Variants in IFT74 observed in about 807,000 individuals in gnomAD.
The protein encoded by IFT74 is intraflagellar transport 74.
IFT74 carries 92 observed loss-of-function variants against 96.7 expected under a neutral mutation model. That is an observed-to-expected ratio of 0.95 (90% CI 0.80 to 1.13). The LOEUF is 1.13. IFT74 is among the 50% of genes most tolerant of loss of function. IFT74 has a pLI of 0.00. For missense variants in IFT74, 811 were observed against 698.2 expected (o/e 1.16, Z -1.82); for synonymous variants, 223 against 213.2 (o/e 1.05, Z -0.40).
chr9:26,980,716 T>C, intron 4 of IFT74, 97 bp downstream of exon 4: 2 of 717,710 alleles, frequency 2.8e-6, no homozygotes, highest in African/African-American at 1.8e-5. Context: ...AAGTTTTAGC[T>C]AGGCACTTAT....
rs1829390528 is a variant in IFT74 at position 27,017,229 on chromosome 9, A to T, written c.933+179A>T. On this transcript the variant is annotated intron_variant, in intron 11 of 19. Coordinates refer to ENST00000380062, the MANE Select transcript of IFT74 (RefSeq NM_025103.4). The stretch of plus-strand genomic sequence containing the variant: ...TTCTTCCTCTTTTATTATTATTATT[A>T]TTATTATTTTTGATGTAGGATCTTG... Among the ~76,000 whole-genome samples, 3 of 151,786 alleles carry T rather than the reference A, an allele frequency of 2.0e-5. No homozygotes were observed. In the South Asian group the frequency reaches 6.2e-4, roughly 32 times the overall value.
chr9:27,041,575 C>T (rs1268919405), intron 13 of IFT74, among the ~76,000 whole-genome samples: 2 of 152,166 alleles, frequency 1.3e-5, no homozygotes, highest in African/African-American at 2.4e-5. Context: ...CTTTCCCTCT[C>T]CCTTGGTCTC....
intron 8 of IFT74, chr9:26,997,962 T>A: frequency 1.2e-6 from 2 of 1,613,938 alleles, no homozygotes; most frequent in Non-Finnish European, 1.7e-6. Flanking sequence ...TTTAGTTTAT[T>A]TAAGCCTAAA....
At chr9:26,955,214 C>T (rs941154484), upstream of IFT74, among the ~76,000 whole-genome samples, 2 of 152,140 alleles carry the variant, frequency 1.3e-5, no homozygotes, top group African/African-American at 4.8e-5. Context: ...AAGAAACAAG[C>T]TAGAGGTTCT....
chr9:27,034,563 T>G (rs1830264921), intron 13 of IFT74, among the ~76,000 whole-genome samples: 1 of 152,194 alleles, frequency 6.6e-6, no homozygotes, highest in South Asian at 2.1e-4. Context: ...AGTTTTTCTC[T>G]TGTGGCCCAG....
At chr9:27,012,374 C>T (rs1002534486) in intron 10 of IFT74, among the ~76,000 whole-genome samples, 7 of 152,084 alleles carry the variant, frequency 4.6e-5, no homozygotes, top group African/African-American at 1.7e-4. Context: ...AGGCAGGAAC[C>T]ACCACACCTG....
In IFT74 at chr9:26,999,556, A is replaced by C. The variant is rs986962544; in HGVS notation, c.587+9361A>C. ...CTTATTGCCCTTTTATATTTTACTA[A>C]ATATACAGAAAATGTACCTTTGAAA... On this transcript the variant is annotated intron_variant, in intron 8 of 19. Coordinates refer to ENST00000380062, the MANE Select transcript of IFT74 (RefSeq NM_025103.4). 8.5e-6 allele frequency: 11 copies of C among 1,298,814 alleles called. No individual in the cohort carries two copies. In the Admixed American group the frequency reaches 1.5e-4, roughly 18 times the overall value. 80.5% of individuals were successfully genotyped at this position (1,298,814 alleles called of 1,614,324 possible).
intron 2 of IFT74, chr9:26,976,713 T>C (rs1446628045): frequency 8.8e-6 from 4 of 453,286 alleles, no homozygotes; most frequent in Non-Finnish European, 8.8e-6. Context: ...AATTAGAGAA[T>C]AAGTAGCTGA....
intron 8 of IFT74, among the ~76,000 whole-genome samples, chr9:27,001,186 T>A (rs1378883507): frequency 2.0e-5 from 3 of 152,196 alleles, no homozygotes; most frequent in African/African-American, 7.2e-5. Context: ...TATGCTACTT[T>A]TTTTTAATCC....
At chr9:27,018,790 C>A in intron 12 of IFT74, 103 bp downstream of exon 12, 1 of 604,952 alleles carries the variant, frequency 1.7e-6, no homozygotes, top group Non-Finnish European at 2.8e-6. Flanking sequence ...TTACTTATAG[C>A]TTTAAATATT....
chr9:27,012,958 C>T (rs550579317), intron 10 of IFT74, among the ~76,000 whole-genome samples: 2 of 152,046 alleles, frequency 1.3e-5, no homozygotes, highest in Admixed American at 6.5e-5. Flanking sequence ...ACCTTGTGAT[C>T]CGCCCACCTC....
At chr9:26,962,387 G>A (rs566946291) in intron 2 of IFT74, among the ~76,000 whole-genome samples, 1 of 152,278 alleles carries the variant, frequency 6.6e-6, no homozygotes, top group East Asian at 1.9e-4. Flanking sequence ...GTGTTTGAAA[G>A]ACACTCTGGG....
At chr9:27,047,996 C>T (rs1819766627) in intron 15 of IFT74, 152 bp from the exon 16 acceptor site, 1 of 430,974 alleles carries the variant, frequency 2.3e-6, no homozygotes, top group African/African-American at 2.0e-5. Context: ...TTTGGAATCT[C>T]ATTTTCTATA....
At chr9:26,970,291 C>T (rs1165879971) in intron 2 of IFT74, among the ~76,000 whole-genome samples, 1 of 152,048 alleles carries the variant, frequency 6.6e-6, no homozygotes, top group East Asian at 1.9e-4. Flanking sequence ...GAGTTCCTTC[C>T]TATTGTAGGT....
At chr9:27,007,879 G>T (rs1828869240) in intron 8 of IFT74, among the ~76,000 whole-genome samples, 1 of 152,184 alleles carries the variant, frequency 6.6e-6, no homozygotes, top group African/African-American at 2.4e-5. Flanking sequence ...TGTAAATCTT[G>T]AAAGTATTTA....
At chr9:26,957,882 C>T (rs1000795714) in intron 1 of IFT74, among the ~76,000 whole-genome samples, 3 of 151,840 alleles carry the variant, frequency 2.0e-5, no homozygotes, top group Non-Finnish European at 4.4e-5. Flanking sequence ...CAAGCTCCGC[C>T]TCCTGGGACT....
chr9:26,984,114 C>T, intron 4 of IFT74, 143 bp from the exon 5 acceptor site: 1 of 627,474 alleles, frequency 1.6e-6, no homozygotes, highest in East Asian at 3.7e-5. Flanking sequence ...TGAAATAAGC[C>T]ACCTAAACTT....
chr9:26,976,813 G>A lies in IFT74; in HGVS notation c.121-1315G>A, dbSNP rs1305074246. On this transcript the variant is annotated intron_variant, in intron 2 of 19. Coordinates refer to ENST00000380062, the MANE Select transcript of IFT74 (RefSeq NM_025103.4). ...TATTATATGAACTGACATAAAGGGAGTCTTTTGGCCTTTCCTGAGGTCGTA... is the reference window on the plus strand; with the variant it reads ...TATTATATGAACTGACATAAAGGGAATCTTTTGGCCTTTCCTGAGGTCGTA... 5 of 455,716 alleles carry A rather than the reference G, an allele frequency of 1.1e-5. No individual in the cohort carries two copies. The Admixed American group carries it at 1.2e-4, about 11-fold the overall frequency. The allele number at this position is 455,716 out of a possible 1,614,324, so 28.2% of individuals were successfully genotyped here. A position where few individuals can be genotyped will look rare whatever the true frequency, so the allele number is the denominator to read the frequency against.
At chr9:27,045,620 T>C (rs1819664632) in intron 14 of IFT74, among the ~76,000 whole-genome samples, 1 of 152,220 alleles carries the variant, frequency 6.6e-6, no homozygotes, top group Non-Finnish European at 1.5e-5. Context: ...CACTTAAACC[T>C]ATACATTTAT....
Sources: gnomAD v4.1 joint callset for allele counts (sites outside exome capture counted in the v4.1 genomes callset) on GRCh38, gnomAD v4.1.1 for gene constraint, MANE v1.5 for transcripts, NCBI Gene and HGNC (gene_info 2026-07-23, HGNC 2026-07-21) for gene names.